TBX5: variants seen among roughly 807,000 people sequenced by gnomAD.
TBX5 encodes the protein T-box transcription factor 5.
A neutral mutation model predicts 51.1 loss-of-function variants in TBX5; 8 were observed. That is an observed-to-expected ratio of 0.16 (90% CI 0.09 to 0.28). The LOEUF is 0.28. Among genes scored for constraint, TBX5 ranks in the 10% least tolerant of loss-of-function variants. The probability of loss-of-function intolerance (pLI) is 1.00; values close to 1 mark genes in which losing one functional copy is unlikely to be tolerated. For missense variants in TBX5, 589 were observed against 671.7 expected (o/e 0.88, Z 1.36); for synonymous variants, 302 against 266.4 (o/e 1.13, Z -1.30).
At chr12:114,364,146 T>C (rs1869386678) in intron 8 of TBX5, among the ~76,000 whole-genome samples, 1 of 152,186 alleles carries the variant, frequency 6.6e-6, no homozygotes, top group Admixed American at 6.5e-5. Flanking sequence ...AAATGTCAAA[T>C]AGTCAAACTA....
chr12:114,403,855 A>G lies in TBX5; in HGVS notation c.44T>C (p.Leu15Pro). ...GGGCAGGTCTTTTGCGTCAGGCTCC[A>G]GAGGCGTGTGCGCCAGGCCAAAGCC... ...DEGFGLAHTP[L>P]EPDAKDLPCD... The change falls in exon 2 of 9, where the codon CTG becomes CCG. Residue 15 changes from leucine (L) to proline (P), a missense_variant. By Grantham distance (98) the Leu-to-Pro change is moderately conservative (BLOSUM62 -3). Around this residue, in one of 7 missense-constraint regions of TBX5, gnomAD observed 101 missense variants for 83.3 expected, o/e 1.21. Coordinates refer to ENST00000405440, the MANE Select transcript of TBX5 (RefSeq NM_181486.4). 6.2e-7 allele frequency: 1 copy of G among 1,613,846 alleles called. No homozygotes were observed. The highest frequency in any genetic ancestry group is 1.1e-5 in the South Asian group (1 of 91,082).
Position 114,355,386 on chromosome 12 carries a change from G to T in TBX5, c.*146C>A. ...AAGCTACTGATTAGATCAGCATCCA[G>T]CGACCTTGAGTGCAGATGTGAACAT... On this transcript the variant is annotated 3_prime_UTR_variant, in exon 9 of 9. Transcript: ENST00000405440. 1.0e-6 allele frequency: 1 copy of T among 998,000 alleles called. No homozygotes were observed. Among genetic ancestry groups the T allele is most frequent in the Non-Finnish European group, 1.5e-6 (1 of 653,932 alleles). 61.8% of individuals were successfully genotyped at this position (998,000 alleles called of 1,614,324 possible). A position where few individuals can be genotyped will look rare whatever the true frequency, so the allele number is the denominator to read the frequency against.
upstream of TBX5, chr12:114,408,074 C>T: frequency 1.0e-6 from 1 of 985,440 alleles, no homozygotes; most frequent in Non-Finnish European, 1.2e-6. Flanking sequence ...GACTATCTCA[C>T]CAGCCGCTGC....
At chr12:114,378,484 G>A (rs560536967) in intron 7 of TBX5, among the ~76,000 whole-genome samples, 13 of 152,254 alleles carry the variant, frequency 8.5e-5, no homozygotes, top group Non-Finnish European at 1.3e-4. Flanking sequence ...ACCAGCGATC[G>A]AGCGTCCCTC....
chr12:114,407,133 T>G, upstream of TBX5: 3 of 984,434 alleles, frequency 3.0e-6, no homozygotes, highest in Non-Finnish European at 3.6e-6. Context: ...GTGACTGCTC[T>G]GCTAAAATCC....
Position 114,399,527 on chromosome 12 carries a change from G to C in TBX5, c.348C>G (p.Phe116Leu). ...IVPADDHRYK[F>L]ADNKWSVTGK... ...CCAGTGCCTACCATTTATTATCTGC[G>C]AATTTGTATCTGTGATCGTCGGCAG... Residue 116 changes from phenylalanine (F) to leucine (L), a missense_variant, in exon 4 of 9, where the codon TTC becomes TTG. Transcript: ENST00000405440. 6.2e-7 allele frequency: 1 copy of C among 1,613,612 alleles called. No homozygotes were observed. The highest frequency in any genetic ancestry group is 1.6e-4 in the Middle Eastern group (1 of 6,062).
At chr12:114,407,044 T>C, upstream of TBX5, 1 of 985,352 alleles carries the variant, frequency 1.0e-6, no homozygotes, top group Non-Finnish European at 1.2e-6. Flanking sequence ...GATAAGAGAC[T>C]TGGGCCTGCA....
chr12:114,388,756 T>TTA lies in TBX5; in HGVS notation c.664-3190_664-3189insTA, dbSNP rs1555225600. On this transcript the variant is annotated intron_variant, in intron 6 of 8. Transcript: ENST00000405440. The stretch of plus-strand genomic sequence containing the variant: ...CCCTCAACCTTTTTTTTTTTTTTTT[T>TTA]AGGTTTTCGGAGTGACAGAGTCTCA... Among the ~76,000 whole-genome samples, 43 of 148,536 alleles carry TTA rather than the reference T, an allele frequency of 2.9e-4. 1 individual carries two copies. Among genetic ancestry groups the TTA allele is most frequent in the Non-Finnish European group, 4.6e-4 (31 of 66,962 alleles).
At chr12:114,366,895 C>G (rs1425794616) in intron 7 of TBX5, among the ~76,000 whole-genome samples, 2 of 152,180 alleles carry the variant, frequency 1.3e-5, no homozygotes, top group African/African-American at 4.8e-5. Context: ...TTACTCTCAT[C>G]TGGATAGATT....
intron 5 of TBX5, among the ~76,000 whole-genome samples, chr12:114,396,928 T>C (rs1302625929): frequency 6.6e-6 from 1 of 152,296 alleles, no homozygotes; most frequent in Non-Finnish European, 1.5e-5. Flanking sequence ...AGAGTGGCTC[T>C]GCATTTGCCT....
At chr12:114,361,563 T>C (rs937676664) in intron 8 of TBX5, among the ~76,000 whole-genome samples, 4 of 152,068 alleles carry the variant, frequency 2.6e-5, no homozygotes, top group Admixed American at 2.0e-4. Context: ...TCGGGAGAGA[T>C]AGTTTGGAGA....
chr12:114,393,683 T>C (rs28368433), intron 6 of TBX5, among the ~76,000 whole-genome samples: 12 of 152,190 alleles, frequency 7.9e-5, no homozygotes, highest in Non-Finnish European at 1.6e-4. Context: ...CCAAAACCAG[T>C]GCCTGGATTT....
intron 4 of TBX5, among the ~76,000 whole-genome samples, chr12:114,399,024 C>G (rs532715246): frequency 3.3e-5 from 5 of 152,236 alleles, no homozygotes; most frequent in African/African-American, 4.8e-5. Context: ...TGAGGGCTTT[C>G]AACGGGGGTT....
intron 7 of TBX5, among the ~76,000 whole-genome samples, chr12:114,382,994 AAG>A (rs796377123): frequency 0.21 from 30,350 of 142,474 alleles, 3,362 homozygotes; most frequent in South Asian, 0.31. Flanking sequence ...AAAAAAAAAA[AAG>A]AGCTTTTAGA....
intron 7 of TBX5, among the ~76,000 whole-genome samples, chr12:114,367,397 T>A (rs548023808): frequency 2.5e-4 from 38 of 152,258 alleles, no homozygotes; most frequent in African/African-American, 8.7e-4. Context: ...ACAGGCAAAG[T>A]AAGCATAATA....
chr12:114,397,886 G>A (rs867757917), intron 5 of TBX5, among the ~76,000 whole-genome samples: 1 of 152,226 alleles, frequency 6.6e-6, no homozygotes, highest in Non-Finnish European at 1.5e-5. Flanking sequence ...GGTGAGCTGG[G>A]CTCTCCCTCT....
chr12:114,393,446 C>G lies in TBX5; in HGVS notation c.663+1295G>C, dbSNP rs12300522. Among the ~76,000 whole-genome samples the G allele has an allele frequency of 5.5e-3, 836 of 152,286 alleles. 14 individuals are homozygous for G. The highest frequency in any genetic ancestry group is 0.018 in the African/African-American group (761 of 41,552). On this transcript the variant is annotated intron_variant, in intron 6 of 8. Transcript: ENST00000405440. ...GGCCCCTCCCCCAGCACCTATTGCT[C>G]GCCTCTCCAGATTCTAGAACTTTTC...
chr12:114,406,359 G>T (rs937872622), upstream of TBX5, among the ~76,000 whole-genome samples: 2 of 151,876 alleles, frequency 1.3e-5, no homozygotes, highest in African/African-American at 4.8e-5. Context: ...CTGAGCAAGC[G>T]GTGGCTGCAA....
chr12:114,388,167 T>C (rs1030132192), intron 6 of TBX5, among the ~76,000 whole-genome samples: 1 of 151,978 alleles, frequency 6.6e-6, no homozygotes, highest in Non-Finnish European at 1.5e-5. Flanking sequence ...GTTGTTGTTA[T>C]GGTTTTTTGA....
Sources: allele counts gnomAD v4.1 joint callset (sites outside exome capture counted in the v4.1 genomes callset), GRCh38; gene constraint gnomAD v4.1.1; regional missense constraint gnomAD v4.1.1; transcripts MANE v1.5; gene names NCBI Gene and HGNC (gene_info 2026-07-23, HGNC 2026-07-21).